Variants in SLC6A5 observed in about 807,000 individuals in gnomAD.
SLC6A5 encodes sodium- and chloride-dependent glycine transporter 2.
A neutral mutation model predicts 90.5 loss-of-function variants in SLC6A5; 58 were observed. The ratio of observed to expected loss-of-function variants is 0.64; its 90% CI spans 0.52 to 0.80. SLC6A5 has a LOEUF of 0.80. Ranked by LOEUF, SLC6A5 falls within the 30% of genes least tolerant of loss-of-function variation. The pLI, the probability that SLC6A5 is intolerant of heterozygous loss-of-function variation, is 0.00. For missense variants in SLC6A5, 1,015 were observed against 1,017.6 expected (o/e 1.00, Z 0.03); for synonymous variants, 427 against 401.4 (o/e 1.06, Z -0.76).
chr11:20,630,350 T>G (rs1853084993), intron 9 of SLC6A5, among the ~76,000 whole-genome samples: 1 of 152,196 alleles, frequency 6.6e-6, no homozygotes, highest in Admixed American at 6.5e-5. Context: ...TTCTAAAGCC[T>G]CCACCTCTTA....
chr11:20,602,476 G>C (rs756405930), intron 2 of SLC6A5, among the ~76,000 whole-genome samples: 1 of 151,954 alleles, frequency 6.6e-6, no homozygotes, highest in African/African-American at 2.4e-5. Context: ...TTTCCCTCTC[G>C]TCTCTCTCCT....
intron 14 of SLC6A5, among the ~76,000 whole-genome samples, chr11:20,651,305 G>A (rs958328298): frequency 3.4e-4 from 47 of 139,040 alleles, no homozygotes; most frequent in Middle Eastern, 7.4e-3. Flanking sequence ...ACCGAGACGC[G>A]CCCTATTGCC....
intron 5 of SLC6A5, among the ~76,000 whole-genome samples, chr11:20,610,585 A>G (rs2133779647): frequency 6.6e-6 from 1 of 152,376 alleles, no homozygotes; most frequent in African/African-American, 2.4e-5. Context: ...GTGCTTATTT[A>G]CAGAACAGAG....
At chr11:20,630,849 C>T (rs750872499) in intron 10 of SLC6A5, 34 bp downstream of exon 10, 2 of 1,610,320 alleles carry the variant, frequency 1.2e-6, no homozygotes, top group Admixed American at 3.3e-5. Flanking sequence ...TGTTGCAGGG[C>T]AGGTCCCAGG....
At chr11:20,651,054 C>T (rs946878440) in intron 14 of SLC6A5, among the ~76,000 whole-genome samples, 2 of 152,150 alleles carry the variant, frequency 1.3e-5, no homozygotes, top group Admixed American at 1.3e-4. Context: ...GCTTCCAGCT[C>T]AGTCACGGCC....
At chr11:20,618,898 C>T (rs368520369) in intron 7 of SLC6A5, among the ~76,000 whole-genome samples, 1 of 151,072 alleles carries the variant, frequency 6.6e-6, no homozygotes, top group Non-Finnish European at 1.5e-5. Context: ...GATGGCATCA[C>T]TGCACTTCAG....
chr11:20,642,585 G>A (rs1472107965), intron 13 of SLC6A5, among the ~76,000 whole-genome samples: 1 of 152,160 alleles, frequency 6.6e-6, no homozygotes, highest in Admixed American at 6.5e-5. Context: ...CATACAGCAG[G>A]CAAGTCCCTC....
chr11:20,605,408 C>T (rs920184519), intron 3 of SLC6A5, among the ~76,000 whole-genome samples: 2 of 152,344 alleles, frequency 1.3e-5, no homozygotes, highest in Admixed American at 1.3e-4. Context: ...TAGGCCACTA[C>T]TCCCGTCCTC....
chr11:20,639,904 C>T (rs532580714), intron 13 of SLC6A5, among the ~76,000 whole-genome samples: 1 of 152,310 alleles, frequency 6.6e-6, no homozygotes, highest in East Asian at 1.9e-4. Context: ...CTGATGAGAT[C>T]AGAGACCAAG....
intron 2 of SLC6A5, 145 bp downstream of exon 2, chr11:20,601,810 C>A: frequency 2.2e-6 from 2 of 891,026 alleles, no homozygotes; most frequent in South Asian, 3.1e-5. Context: ...GGCTTTGGGG[C>A]TTCGGAAGCT....
In SLC6A5 at chr11:20,637,211, G is replaced by A. The variant is rs1853225097; in HGVS notation, c.1777G>A (p.Glu593Lys). The change falls in exon 12 of 16, where the codon GAG becomes AAG. Residue 593 changes from glutamate (E) to lysine (K), a missense_variant. Glu to Lys is a moderately conservative substitution (Grantham distance 56). This residue lies in a region of SLC6A5 where 442 missense variants were observed against 494.3 expected (regional missense o/e 0.89). Transcript: ENST00000525748. ...IETIVTSISD[E>K]FPKYLRTHKP... ...GACCATAGTGACCTCCATCTCAGAC[G>A]AGTTTCCCAAGTACCTACGCACACA... The A allele has an allele frequency of 3.1e-6, 5 of 1,613,666 alleles. No homozygotes were observed. Among genetic ancestry groups the A allele is most frequent in the South Asian group, 1.1e-5 (1 of 91,040 alleles).
chr11:20,613,214 A>G (rs1852725609), intron 5 of SLC6A5, among the ~76,000 whole-genome samples: 1 of 152,206 alleles, frequency 6.6e-6, no homozygotes, highest in Non-Finnish European at 1.5e-5. Flanking sequence ...TAGAGATAAT[A>G]ACAGTACCTT....
At chr11:20,627,216 A>G (rs886696868) in intron 8 of SLC6A5, among the ~76,000 whole-genome samples, 5 of 152,220 alleles carry the variant, frequency 3.3e-5, no homozygotes, top group Non-Finnish European at 7.3e-5. Flanking sequence ...TATTTTAAAA[A>G]TATTTTTACC....
At position 20,636,350 on chromosome 11, in the gene SLC6A5, G is replaced by T. The variant is rs1853207207; in HGVS notation, c.1668G>T (p.Arg556Ser). The stretch of plus-strand genomic sequence containing the variant: ...TGGTTTACCCGGAAGCCTTAACCAG[G>T]CTGCCTCTCTCTCCGTTCTGGGCCA... ...AFVVYPEALT[R>S]LPLSPFWAII... Residue 556 changes from arginine to serine, a missense_variant, in exon 11 of 16, where the codon AGG becomes AGT. Arg to Ser is a moderately radical substitution (Grantham distance 110, BLOSUM62 -1). Transcript: ENST00000525748. 1 of 1,613,958 alleles carries T rather than the reference G, an allele frequency of 6.2e-7. No individual in the cohort carries two copies. The highest frequency in any genetic ancestry group is 8.5e-7 in the Non-Finnish European group (1 of 1,179,890).
chr11:20,603,004 T>C (rs546534391), intron 2 of SLC6A5, among the ~76,000 whole-genome samples: 1 of 152,102 alleles, frequency 6.6e-6, no homozygotes, highest in Non-Finnish European at 1.5e-5. Flanking sequence ...AGGTGGTCTG[T>C]GTGTGGGAGG....
At position 20,607,057 on chromosome 11, in the gene SLC6A5, A is replaced by T; in HGVS notation, c.730A>T (p.Ile244Phe). 1 of 1,613,420 alleles carries T rather than the reference A, an allele frequency of 6.2e-7. No homozygotes were observed. The highest frequency in any genetic ancestry group is 2.2e-5 in the East Asian group (1 of 44,820). The stretch of plus-strand genomic sequence containing the variant: ...GATGCTGGCTCTGGCTGGATTACCC[A>T]TCTTCTTCTTGGAGGTGTCGCTGGG... Reference protein sequence around the residue: ...LMMLALAGLPIFFLEVSLGQF... With the variant: ...LMMLALAGLPFFFLEVSLGQF... The change falls in exon 4 of 16, where the codon ATC (isoleucine) becomes TTC (phenylalanine). Residue 244 changes from isoleucine (I) to phenylalanine (F), a missense_variant. Physicochemically the swap from Ile to Phe is conservative, Grantham distance 21. This residue lies in a region of SLC6A5 where 567 missense variants were observed against 507.3 expected (regional missense o/e 1.12). Coordinates refer to ENST00000525748, the MANE Select transcript of SLC6A5 (RefSeq NM_004211.5).
Position 20,622,968 on chromosome 11 carries a change from C to T in SLC6A5, c.1261-3740C>T, listed in dbSNP as rs150818196. Among the ~76,000 whole-genome samples the T allele has an allele frequency of 2.9e-3, 435 of 152,290 alleles. 5 individuals carry two copies. Among genetic ancestry groups the T allele is most frequent in the African/African-American group, 9.9e-3 (413 of 41,564 alleles). On this transcript the variant is annotated intron_variant, in intron 7 of 15. Coordinates refer to ENST00000525748, the MANE Select transcript of SLC6A5 (RefSeq NM_004211.5). ...GACAGCTGTGAGGCCAGCCCTGAGA[C>T]GTCAGATGCCCTTGGATTTCCTAAC...
rs771255833 is a variant in SLC6A5, at chr11:20,638,572, T to C, written c.1969+14T>C. 6.7e-7 allele frequency: 1 copy of C among 1,482,812 alleles called. No individual in the cohort carries two copies. The highest frequency in any genetic ancestry group is 9.4e-7 in the Non-Finnish European group (1 of 1,060,536). 91.9% of individuals were successfully genotyped at this position (1,482,812 alleles called of 1,614,324 possible). A position where few individuals can be genotyped will look rare whatever the true frequency, so the allele number is the denominator to read the frequency against. On this transcript the variant is annotated intron_variant, in intron 13 of 15. Transcript: ENST00000525748. ...CTTATGTGTATGGTAAGGAAATCAC[T>C]GTGCCTGTTGCTGAAGTAGAGCTTG...
chr11:20,642,450 T>C (rs998315696), intron 13 of SLC6A5, among the ~76,000 whole-genome samples: 2 of 152,144 alleles, frequency 1.3e-5, no homozygotes, highest in African/African-American at 4.8e-5. Flanking sequence ...ATAATAGCCA[T>C]GAGTTCACCA....
Sources: allele counts gnomAD v4.1 joint callset (sites outside exome capture counted in the v4.1 genomes callset), GRCh38; gene constraint gnomAD v4.1.1; regional missense constraint gnomAD v4.1.1; transcripts MANE v1.5; gene names NCBI Gene and HGNC (gene_info 2026-07-23, HGNC 2026-07-21).